The following ROR1 variants were observed in gnomAD, a reference collection of about 807,000 sequenced individuals.
ROR1 encodes ROR family WNT receptor 1, also known as inactive tyrosine-protein kinase transmembrane receptor ROR1.
Under a neutral mutation model 78.8 loss-of-function variants are expected in ROR1, and 19 were observed. That is an observed-to-expected ratio of 0.24 (90% CI 0.17 to 0.35). ROR1 has a LOEUF of 0.35. Ranked by LOEUF, ROR1 falls within the 10% of genes least tolerant of loss-of-function variation. ROR1 has a pLI of 1.00. For synonymous variants in ROR1, 386 were observed against 433.6 expected, an observed-to-expected ratio of 0.89 and a Z score of 1.36; for missense variants, 917 against 1,177.8, an observed-to-expected ratio of 0.78 and a Z score of 3.24.
chr1:64,150,295 T>C (rs888918007), intron 7 of ROR1, among the ~76,000 whole-genome samples: 2 of 152,246 alleles, frequency 1.3e-5, no homozygotes, highest in Non-Finnish European at 2.9e-5. Context: ...GGAGTTTTCA[T>C]ACCTGGCCTA....
At chr1:64,049,238 T>C (rs1646808950) in intron 2 of ROR1, among the ~76,000 whole-genome samples, 1 of 152,178 alleles carries the variant, frequency 6.6e-6, no homozygotes, top group South Asian at 2.1e-4. Flanking sequence ...AATGTGTTGC[T>C]CCTACTTTTC....
At chr1:64,137,629 G>C in intron 5 of ROR1, 133 bp downstream of exon 5, 1 of 768,312 alleles carries the variant, frequency 1.3e-6, no homozygotes, top group Non-Finnish European at 2.1e-6. Context: ...AAAAAAGCAT[G>C]AGACATGATC....
chr1:64,014,773 T>TATATATATATAC (rs71056017), intron 2 of ROR1, among the ~76,000 whole-genome samples: 1 of 47,014 alleles, frequency 2.1e-5, no homozygotes, highest in Admixed American at 3.2e-4. Flanking sequence ...TATATATATA[T>TATATATATATAC]ACACATTTTG....
At chr1:63,958,314 C>T (rs1051715604) in intron 1 of ROR1, among the ~76,000 whole-genome samples, 2 of 151,978 alleles carry the variant, frequency 1.3e-5, no homozygotes, top group African/African-American at 2.4e-5. Flanking sequence ...TTGTGAGTCC[C>T]GCAGATACTC....
intron 2 of ROR1, among the ~76,000 whole-genome samples, chr1:64,017,143 G>A (rs1484305671): frequency 6.6e-6 from 1 of 151,996 alleles, no homozygotes; most frequent in Non-Finnish European, 1.5e-5. Context: ...TTAGGCTCAA[G>A]CAATCTGCCC....
At chr1:63,779,108 T>C (rs1644635297) in intron 1 of ROR1, among the ~76,000 whole-genome samples, 1 of 152,244 alleles carries the variant, frequency 6.6e-6, no homozygotes. Flanking sequence ...AAGCACCTTG[T>C]TGGATGGCCT....
intron 1 of ROR1, among the ~76,000 whole-genome samples, chr1:63,915,322 C>T (rs1362408184): frequency 6.6e-6 from 1 of 152,122 alleles, no homozygotes; most frequent in African/African-American, 2.4e-5. Context: ...GCAGTCACTG[C>T]CCCCTGGTGT....
intron 4 of ROR1, among the ~76,000 whole-genome samples, chr1:64,128,312 T>TA (rs925090164): frequency 2.4e-3 from 197 of 80,682 alleles, no homozygotes; most frequent in Non-Finnish European, 4.0e-3. Flanking sequence ...AAAAAAAAAG[T>TA]AAAAAAACTA....
chr1:63,811,069 C>T (rs558482975), intron 1 of ROR1, among the ~76,000 whole-genome samples: 7 of 152,270 alleles, frequency 4.6e-5, no homozygotes, highest in East Asian at 1.9e-4. Context: ...GATACAGACC[C>T]AACCGACTGT....
chr1:63,923,879 C>A lies in ROR1; in HGVS notation c.92-85426C>A, dbSNP rs552141328. ...GCTCACTGTGCCTCGGTCATGACGGCCTTCTTTTTCTTCCTTGGATGCACC... is the reference window on the plus strand; with the variant it reads ...GCTCACTGTGCCTCGGTCATGACGGACTTCTTTTTCTTCCTTGGATGCACC... On this transcript the variant is annotated intron_variant, in intron 1 of 8. Transcript: ENST00000371079. 2.0e-5 allele frequency among the ~76,000 whole-genome samples: 3 copies of A among 151,864 alleles called. No homozygotes were observed. The East Asian group carries it at 5.9e-4, about 30-fold the overall frequency.
At chr1:63,878,761 T>C (rs1419529418) in intron 1 of ROR1, among the ~76,000 whole-genome samples, 1 of 152,130 alleles carries the variant, frequency 6.6e-6, no homozygotes, top group Non-Finnish European at 1.5e-5. Flanking sequence ...TCATTCTCTT[T>C]TTATAAGTAC....
intron 1 of ROR1, among the ~76,000 whole-genome samples, chr1:63,954,687 T>G (rs1645967499): frequency 6.6e-6 from 1 of 152,206 alleles, no homozygotes; most frequent in Non-Finnish European, 1.5e-5. Context: ...AACAATACAG[T>G]ATAACAGCTA....
chr1:63,892,741 A>G (rs974038097), intron 1 of ROR1, among the ~76,000 whole-genome samples: 6 of 152,174 alleles, frequency 3.9e-5, no homozygotes, highest in South Asian at 2.1e-4. Flanking sequence ...CAAGTTGCCA[A>G]CCTTCTCTAA....
chr1:64,116,948 A>G (rs1462323013), intron 4 of ROR1, among the ~76,000 whole-genome samples: 4 of 152,170 alleles, frequency 2.6e-5, no homozygotes, highest in African/African-American at 7.2e-5. Flanking sequence ...AACATTTTAT[A>G]TCTTGTCTCT....
At chr1:63,882,396 G>GTCTGT (rs1200589991) in intron 1 of ROR1, among the ~76,000 whole-genome samples, 1 of 152,128 alleles carries the variant, frequency 6.6e-6, no homozygotes, top group Non-Finnish European at 1.5e-5. Flanking sequence ...CTGGCCTCTG[G>GTCTGT]TCTGTTCTGT....
intron 1 of ROR1, among the ~76,000 whole-genome samples, chr1:63,872,819 TA>T (rs1645260627): frequency 1.3e-5 from 2 of 151,956 alleles, no homozygotes; most frequent in African/African-American, 4.8e-5. Flanking sequence ...TTAGTGGTGC[TA>T]ATGGAAACAC....
chr1:63,915,395 A>T (rs983966269), intron 1 of ROR1, among the ~76,000 whole-genome samples: 2 of 152,168 alleles, frequency 1.3e-5, no homozygotes, highest in African/African-American at 2.4e-5. Flanking sequence ...GGAGAGCAAT[A>T]AAGAGGCTTT....
chr1:63,850,368 A>C (rs1645106701), intron 1 of ROR1, among the ~76,000 whole-genome samples: 1 of 152,202 alleles, frequency 6.6e-6, no homozygotes, highest in Non-Finnish European at 1.5e-5. Context: ...AAATGTGTGA[A>C]GTTTTTCTAG....
intron 1 of ROR1, among the ~76,000 whole-genome samples, chr1:63,906,204 C>T (rs1645527430): frequency 6.6e-6 from 1 of 152,180 alleles, no homozygotes; most frequent in African/African-American, 2.4e-5. Context: ...TCAGAGTCAA[C>T]TGCCTGTTCT....
Sources: gnomAD v4.1 joint callset for allele counts (sites outside exome capture counted in the v4.1 genomes callset) on GRCh38, gnomAD v4.1.1 for gene constraint, MANE v1.5 for transcripts, NCBI Gene and HGNC (gene_info 2026-07-23, HGNC 2026-07-21) for gene names.